FUT8: variants seen among roughly 807,000 people sequenced by gnomAD.
FUT8 encodes the protein fucosyltransferase 8, also known as alpha-(1,6)-fucosyltransferase.
FUT8 carries 29 observed loss-of-function variants against 71.3 expected under a neutral mutation model. The ratio of observed to expected loss-of-function variants is 0.41; its 90% CI spans 0.30 to 0.55. The LOEUF (loss-of-function observed/expected upper bound fraction) is 0.55. Among genes scored for constraint, FUT8 ranks in the 20% least tolerant of loss-of-function variants. The pLI, the probability that FUT8 is intolerant of heterozygous loss-of-function variation, is 0.34. For missense variants in FUT8, 544 were observed against 702.1 expected, an observed-to-expected ratio of 0.77 and a Z score of 2.55; for synonymous variants, 254 against 239.3, an observed-to-expected ratio of 1.06 and a Z score of -0.57.
the FUT8 span, among the ~76,000 whole-genome samples, chr14:65,382,483 A>G: frequency 9.7e-3 from 1,478 of 152,260 alleles, 24 homozygotes; most frequent in African/African-American, 0.034. Context: ...CTATAGGCAC[A>G]CACCACCAGG....
chr14:65,476,994 C>G (rs2066256258), intron 2 of FUT8, among the ~76,000 whole-genome samples: 1 of 152,004 alleles, frequency 6.6e-6, no homozygotes, highest in South Asian at 2.1e-4. Context: ...AGATTTATTC[C>G]AAATGTAAGT....
chr14:65,471,469 C>T (rs1386193993), intron 2 of FUT8, among the ~76,000 whole-genome samples: 1 of 151,968 alleles, frequency 6.6e-6, no homozygotes. Context: ...CCATGAGAAC[C>T]TGGTAGGGCT....
At chr14:65,528,951 C>G (rs183485481) in intron 2 of FUT8, 1 of 153,820 alleles carries the variant, frequency 6.5e-6, no homozygotes, top group East Asian at 1.9e-4. Context: ...TTGCCATATG[C>G]CTTTAGACTT....
At chr14:65,494,912 T>G (rs1361897021) in intron 2 of FUT8, among the ~76,000 whole-genome samples, 4 of 152,190 alleles carry the variant, frequency 2.6e-5, no homozygotes, top group Middle Eastern at 3.4e-3. Flanking sequence ...GGCTTTGTTG[T>G]ATAGTTAGAA....
intron 9 of FUT8, among the ~76,000 whole-genome samples, chr14:65,727,326 C>T (rs1430629455): frequency 6.6e-6 from 1 of 152,204 alleles, no homozygotes. Context: ...ATTCCTGCAG[C>T]AAACTTCTGC....
chr14:65,543,544 A>T lies in FUT8; in HGVS notation c.-227-17793A>T, dbSNP rs1006737513. Among the ~76,000 whole-genome samples the T allele has an allele frequency of 2.4e-4, 36 of 147,380 alleles. No homozygotes were observed. The East Asian group carries it at 4.2e-3, about 17-fold the overall frequency. On this transcript the variant is annotated intron_variant, in intron 2 of 10. Transcript: ENST00000673929. Reference sequence around the variant, plus strand: ...AATGGAAGAGGGTGAGTGTTTTTTTAAAAAAAACATAGAGTGTTGTATGTA... The same window carrying T: ...AATGGAAGAGGGTGAGTGTTTTTTTTAAAAAAACATAGAGTGTTGTATGTA...
rs540848103 is a variant in FUT8, at chr14:65,723,378, CTG to C, written c.1083-766_1083-765del. On this transcript the variant is annotated intron_variant, in intron 8 of 10. Transcript: ENST00000673929. ...TAAGATGGGAGGAGAGAGGAGAAAA[CTG>C]TGGAAGTCAGTGCCTTATTCAGTAC... Among the ~76,000 whole-genome samples, 232 of 152,126 alleles carry C rather than the reference CTG, an allele frequency of 1.5e-3. 2 individuals carry two copies. Among genetic ancestry groups the C allele is most frequent in the African/African-American group, 5.3e-3 (221 of 41,506 alleles).
At chr14:65,613,538 G>A (rs541765292) in intron 3 of FUT8, among the ~76,000 whole-genome samples, 18 of 152,232 alleles carry the variant, frequency 1.2e-4, no homozygotes, top group African/African-American at 4.3e-4. Context: ...TTCGCTTTGT[G>A]CTTATACAAA....
At chr14:65,727,846 C>T (rs901441240) in intron 9 of FUT8, among the ~76,000 whole-genome samples, 2 of 152,192 alleles carry the variant, frequency 1.3e-5, no homozygotes, top group African/African-American at 4.8e-5. Flanking sequence ...TTAGCAGCAA[C>T]CAAGTCACCT....
At chr14:65,496,181 G>C (rs2066556077) in intron 2 of FUT8, among the ~76,000 whole-genome samples, 2 of 152,104 alleles carry the variant, frequency 1.3e-5, no homozygotes, top group South Asian at 4.1e-4. Context: ...CCATCTTTGA[G>C]TTAAAAAGCT....
the FUT8 span, among the ~76,000 whole-genome samples, chr14:65,401,978 G>C: frequency 6.6e-6 from 1 of 151,726 alleles, no homozygotes; most frequent in East Asian, 1.9e-4. Context: ...ATGCGGAAAC[G>C]TGAGAGACAT....
In FUT8 at chr14:65,575,191, ATTAC is replaced by A. The variant is rs574804296; in HGVS notation, c.203+13429_203+13432del. Among the ~76,000 whole-genome samples, 46 of 152,052 alleles carry A rather than the reference ATTAC, an allele frequency of 3.0e-4. No individual in the cohort carries two copies. The East Asian group carries it at 7.9e-3, about 26-fold the overall frequency. ...TTTGCAAGTAGTAAAGAAATTTACC[ATTAC>A]TTAAAAATCATTTACCTTCGTTGTG... On this transcript the variant is annotated intron_variant, in intron 3 of 10. Coordinates refer to ENST00000673929, the MANE Select transcript of FUT8 (RefSeq NM_001371533.1).
At chr14:65,512,744 A>G (rs1327268084) in intron 2 of FUT8, among the ~76,000 whole-genome samples, 1 of 151,852 alleles carries the variant, frequency 6.6e-6, no homozygotes, top group Admixed American at 6.6e-5. Flanking sequence ...CCCCGTCTCT[A>G]TTAAAAATAC....
Position 65,455,666 on chromosome 14 carries a change from T to C in FUT8, c.-280T>C. 1 of 398,402 alleles carries C rather than the reference T, an allele frequency of 2.5e-6. No individual in the cohort carries two copies. Among genetic ancestry groups the C allele is most frequent in the Non-Finnish European group, 4.4e-6 (1 of 225,946 alleles). 24.7% of individuals were successfully genotyped at this position (398,402 alleles called of 1,614,324 possible). On this transcript the variant is annotated 5_prime_UTR_variant, in exon 2 of 11. Coordinates refer to ENST00000673929, the MANE Select transcript of FUT8 (RefSeq NM_001371533.1). Reference sequence around the variant, plus strand: ...GACATCCATGACCCTAATGGTCTTTTTGTTCAAGATAAAGTGATTTTTTGC... The same window carrying C: ...GACATCCATGACCCTAATGGTCTTTCTGTTCAAGATAAAGTGATTTTTTGC...
At chr14:65,631,104 T>G (rs1005642073) in intron 6 of FUT8, among the ~76,000 whole-genome samples, 1 of 152,222 alleles carries the variant, frequency 6.6e-6, no homozygotes, top group African/African-American at 2.4e-5. Flanking sequence ...ATCAGAGGTG[T>G]CTGCAGAATG....
In FUT8 at chr14:65,737,932, T is replaced by C. The variant is rs1471441993; in HGVS notation, c.1411-4161T>C. ...GGGCAAAACCAAAAACTACGTTAAC[T>C]ATTCCAGACAGATGGCTCTGGACAG... is the stretch of plus-strand genomic sequence containing the variant. On this transcript the variant is annotated intron_variant, in intron 10 of 10. Coordinates refer to ENST00000673929, the MANE Select transcript of FUT8 (RefSeq NM_001371533.1). Among the ~76,000 whole-genome samples, 3 of 152,126 alleles carry C rather than the reference T, an allele frequency of 2.0e-5. No homozygotes were observed. The East Asian group carries it at 5.8e-4, about 29-fold the overall frequency.
the FUT8 span, among the ~76,000 whole-genome samples, chr14:65,392,924 G>A: frequency 2.0e-5 from 3 of 152,170 alleles, no homozygotes; most frequent in Non-Finnish European, 2.9e-5. Flanking sequence ...TGTCCCAGGC[G>A]ATACCTGGGG....
At chr14:65,605,273 T>A (rs1488683642) in intron 3 of FUT8, among the ~76,000 whole-genome samples, 2 of 152,002 alleles carry the variant, frequency 1.3e-5, no homozygotes, top group Non-Finnish European at 2.9e-5. Context: ...ATTATTCTAA[T>A]ATTACGTTCC....
chr14:65,557,111 C>CT (rs1408422860), intron 2 of FUT8, among the ~76,000 whole-genome samples: 2 of 152,276 alleles, frequency 1.3e-5, no homozygotes, highest in East Asian at 3.9e-4. Flanking sequence ...CGTGGCAACT[C>CT]TATTAAGTCT....
Sources: gnomAD v4.1 joint callset for allele counts (sites outside exome capture counted in the v4.1 genomes callset) on GRCh38, gnomAD v4.1.1 for gene constraint, MANE v1.5 for transcripts, NCBI Gene and HGNC (gene_info 2026-07-23, HGNC 2026-07-21) for gene names.